Variants in COA1 observed in about 807,000 individuals in gnomAD.
COA1 encodes cytochrome c oxidase assembly factor 1.
Under a neutral mutation model 16.0 loss-of-function variants are expected in COA1, and 13 were observed. The ratio of observed to expected loss-of-function variants is 0.81; its 90% CI spans 0.53 to 1.29. COA1 has a LOEUF of 1.29. Among genes scored for constraint, COA1 ranks in the 50% most tolerant of loss-of-function variants. The probability of loss-of-function intolerance (pLI) is 0.00; values close to 1 mark genes in which losing one functional copy is unlikely to be tolerated. For synonymous variants in COA1, 65 were observed against 65.7 expected, an observed-to-expected ratio of 0.99 and a Z score of 0.05; for missense variants, 179 against 177.0, an observed-to-expected ratio of 1.01 and a Z score of -0.06.
chr7:43,664,130 A>AGAGAGAGAGAGAGT (rs1307866265), intron 1 of COA1, among the ~76,000 whole-genome samples: 3 of 148,500 alleles, frequency 2.0e-5, no homozygotes, highest in South Asian at 2.1e-4. Context: ...AGAGAGAGAG[A>AGAGAGAGAGAGAGT]GTCTTGCTAT....
chr7:43,698,887 T>C (rs113289183), intron 1 of COA1, among the ~76,000 whole-genome samples: 1 of 152,172 alleles, frequency 6.6e-6, no homozygotes, highest in Non-Finnish European at 1.5e-5. Context: ...AAATTATCCA[T>C]CTGCATAAAG....
At chr7:43,726,262 T>C (rs1260390216) in intron 1 of COA1, among the ~76,000 whole-genome samples, 1 of 152,164 alleles carries the variant, frequency 6.6e-6, no homozygotes, top group East Asian at 1.9e-4. Context: ...TCTGAAACAA[T>C]GAACACTCTT....
rs774114457 is a variant in COA1 at position 43,691,260 on chromosome 7, G to GAAAGAAAAGAAAAGA, written c.-39+38168_-39+38169insTCTTTTCTTTTCTTT. On this transcript the variant is annotated intron_variant, in intron 1 of 5. Transcript: ENST00000223336. Reference sequence around the variant, plus strand: ...CAAGACCTTGACTCAAAAAAAGAAAGAAAGAAAAGAAAGAAAGAAAGAAAG... The same window carrying GAAAGAAAAGAAAAGA: ...CAAGACCTTGACTCAAAAAAAGAAAGAAAGAAAAGAAAAGAAAAGAAAAGAAAGAAAGAAAGAAAG... 9.5e-3 allele frequency among the ~76,000 whole-genome samples: 317 copies of GAAAGAAAAGAAAAGA among 33,224 alleles called. 17 individuals carry two copies. The highest frequency in any genetic ancestry group is 0.02 in the Admixed American group (56 of 2,850). 21.8% of individuals were successfully genotyped at this position (33,224 alleles called of 152,430 possible). A position where few individuals can be genotyped will look rare whatever the true frequency, so the allele number is the denominator to read the frequency against.
rs188608276 is a variant in COA1 at position 43,640,222 on chromosome 7, C to T, written c.341+351G>A. Among the ~76,000 whole-genome samples the T allele has an allele frequency of 3.3e-5, 5 of 152,368 alleles. No individual in the cohort carries two copies. The East Asian group carries it at 7.7e-4, about 23-fold the overall frequency. ...ATGCAAAGAATGTGATGAATAAATT[C>T]TGGAACAAGAGTCCATGCCCTTTAT... On this transcript the variant is annotated intron_variant, in intron 5 of 5. Transcript: ENST00000223336.
chr7:43,641,613 AC>A (rs1056925997), intron 4 of COA1: 13 of 152,156 alleles, frequency 8.5e-5, no homozygotes, highest in Non-Finnish European at 2.9e-5. Context: ...TTTGACCTGG[AC>A]CCTAAAGAAC....
chr7:43,641,595 G>A (rs937187679), intron 4 of COA1: 1 of 152,094 alleles, frequency 6.6e-6, no homozygotes, highest in African/African-American at 2.4e-5. Flanking sequence ...CAGGAAATTG[G>A]TACATATTTT....
At chr7:43,698,991 A>G (rs1226057038) in intron 1 of COA1, among the ~76,000 whole-genome samples, 4 of 152,178 alleles carry the variant, frequency 2.6e-5, no homozygotes, top group Non-Finnish European at 5.9e-5. Flanking sequence ...GCAATTGTCA[A>G]CCAGAAAGTT....
At chr7:43,685,154 TAAA>T (rs35252235) in intron 1 of COA1, among the ~76,000 whole-genome samples, 15 of 127,114 alleles carry the variant, frequency 1.2e-4, no homozygotes, top group African/African-American at 1.2e-4. Flanking sequence ...TCCCATCTCT[TAAA>T]AAAAAAAAAA....
intron 6 of COA1, chr7:43,631,620 C>A (rs2085180426): frequency 6.6e-6 from 1 of 152,234 alleles, no homozygotes; most frequent in African/African-American, 2.4e-5. Context: ...ATCTGAGTTA[C>A]TTTTCCCTCT....
intron 1 of COA1, among the ~76,000 whole-genome samples, chr7:43,678,886 T>C (rs1563342643): frequency 6.6e-6 from 1 of 152,226 alleles, no homozygotes; most frequent in Non-Finnish European, 1.5e-5. Context: ...GCAGCTGCTG[T>C]GGAAAATATG....
intron 1 of COA1, among the ~76,000 whole-genome samples, chr7:43,726,901 T>C (rs1157963401): frequency 6.6e-6 from 1 of 152,150 alleles, no homozygotes; most frequent in Non-Finnish European, 1.5e-5. Flanking sequence ...CCAAAGAAGA[T>C]AAATAAATGG....
intron 1 of COA1, among the ~76,000 whole-genome samples, chr7:43,723,953 A>G (rs989639125): frequency 6.6e-6 from 1 of 152,120 alleles, no homozygotes; most frequent in African/African-American, 2.4e-5. Context: ...AAAATCTTGG[A>G]TCATAGAGAT....
Position 43,706,487 on chromosome 7 carries a change from C to T in COA1, c.-39+22942G>A, listed in dbSNP as rs2094980491. On this transcript the variant is annotated intron_variant, in intron 1 of 5. Transcript: ENST00000223336. ...CACTTGAGCCAGGAGGCGGAGGCTGCAGTGAGCCGAGATCATGGCACTGTA... is the reference window on the plus strand; with the variant it reads ...CACTTGAGCCAGGAGGCGGAGGCTGTAGTGAGCCGAGATCATGGCACTGTA... Among the ~76,000 whole-genome samples, 3 of 151,436 alleles carry T rather than the reference C, an allele frequency of 2.0e-5. 1 individual carries two copies. The South Asian group carries it at 6.3e-4, about 32-fold the overall frequency.
chr7:43,660,936 C>G (rs2092362327), intron 1 of COA1, among the ~76,000 whole-genome samples: 1 of 152,134 alleles, frequency 6.6e-6, no homozygotes. Context: ...TCTTACTGCC[C>G]AGTTTCCTCA....
chr7:43,639,621 C>T lies in COA1; in HGVS notation c.402G>A (p.Lys134=), dbSNP rs2086544695. The part of the protein sequence containing the change: ...LKDGQQIPVF[K]LSGENGDEVK... The stretch of plus-strand genomic sequence containing the variant: ...CTTCATCACCGTTTTCCCCACTGAG[C>T]TTGAACACAGGAATCTGCTGACCAT... The change falls in exon 6 of 6, where the codon AAG becomes AAA. Residue 134 remains lysine, a synonymous_variant. Transcript: ENST00000223336. The T allele has an allele frequency of 6.2e-7, 1 of 1,614,032 alleles. No individual in the cohort carries two copies. Among genetic ancestry groups the T allele is most frequent in the South Asian group, 1.1e-5 (1 of 91,082 alleles).
At chr7:43,719,979 G>A (rs1409997445) in intron 1 of COA1, among the ~76,000 whole-genome samples, 7 of 152,026 alleles carry the variant, frequency 4.6e-5, no homozygotes, top group Admixed American at 2.6e-4. Context: ...TTTATTCTAC[G>A]TAAAATAAAA....
Position 43,672,788 on chromosome 7 carries a change from A to G in COA1, c.-38-24136T>C, listed in dbSNP as rs560812492. ...CATCTCAAACCAAAAAAAAAAAAAA[A>G]AGAGAGAGAGACAGAAAGAAGGAAA... On this transcript the variant is annotated intron_variant, in intron 1 of 5. Coordinates refer to ENST00000223336, the MANE Select transcript of COA1 (RefSeq NM_018224.4). 3.9e-3 allele frequency among the ~76,000 whole-genome samples: 596 copies of G among 151,816 alleles called. 2 individuals are homozygous for G. The highest frequency in any genetic ancestry group is 0.013 in the African/African-American group (545 of 41,428).
intron 1 of COA1, chr7:43,648,858 G>T (rs1035430726): frequency 4.8e-5 from 25 of 518,628 alleles, no homozygotes; most frequent in Admixed American, 2.3e-4. Context: ...AAAGCCTGCG[G>T]GTTTCCTGTC....
chr7:43,671,364 C>A (rs1220725024), intron 1 of COA1, among the ~76,000 whole-genome samples: 6 of 150,746 alleles, frequency 4.0e-5, no homozygotes, highest in Non-Finnish European at 8.9e-5. Flanking sequence ...AAAAGCAAAT[C>A]ATATATTTGG....
Sources: allele counts gnomAD v4.1 joint callset (sites outside exome capture counted in the v4.1 genomes callset), GRCh38; gene constraint gnomAD v4.1.1; transcripts MANE v1.5; gene names NCBI Gene and HGNC (gene_info 2026-07-23, HGNC 2026-07-21).